Variants in TMPRSS11E observed in about 807,000 individuals in gnomAD.
TMPRSS11E encodes the protein transmembrane serine protease 11E, also known as transmembrane protease serine 11E.
TMPRSS11E carries 38 observed loss-of-function variants against 48.1 expected under a neutral mutation model. That is an observed-to-expected ratio of 0.79 (90% CI 0.61 to 1.04). The LOEUF (loss-of-function observed/expected upper bound fraction) is 1.04. TMPRSS11E is among the 50% of genes least tolerant of loss of function. The pLI is 0.00. For synonymous variants in TMPRSS11E, 158 were observed against 171.9 expected (o/e 0.92, Z 0.63); for missense variants, 530 against 510.8 (o/e 1.04, Z -0.36).
In TMPRSS11E at chr4:68,472,947, C is replaced by T. The variant is rs749029916; in HGVS notation, c.490+1324C>T. On this transcript the variant is annotated intron_variant, in intron 5 of 9. Transcript: ENST00000305363. ...TTTAATTGTTTATATCATGCAATGT[C>T]GATATAAATGCATATATAAGTACAT... 7.9e-5 allele frequency among the ~76,000 whole-genome samples: 12 copies of T among 151,810 alleles called. No individual in the cohort carries two copies. The South Asian group carries it at 8.3e-4, about 11-fold the overall frequency.
intron 9 of TMPRSS11E, among the ~76,000 whole-genome samples, chr4:68,482,615 A>G (rs1729439759): frequency 1.0e-5 from 1 of 98,310 alleles, no homozygotes; most frequent in Non-Finnish European, 2.4e-5. Flanking sequence ...AAAAAAAAAA[A>G]AAAAAAATTA....
intron 1 of TMPRSS11E, among the ~76,000 whole-genome samples, chr4:68,458,614 T>G (rs1337736197): frequency 6.6e-6 from 1 of 152,162 alleles, no homozygotes; most frequent in East Asian, 1.9e-4. Context: ...AATAAATTTA[T>G]TCCTTCACTT....
chr4:68,451,844 T>C (rs933339222), intron 1 of TMPRSS11E, among the ~76,000 whole-genome samples: 3 of 151,904 alleles, frequency 2.0e-5, no homozygotes, highest in Non-Finnish European at 4.4e-5. Flanking sequence ...GCAGAACTGA[T>C]GGTTAACCAG....
At chr4:68,451,550 C>G (rs914840367) in intron 1 of TMPRSS11E, among the ~76,000 whole-genome samples, 1 of 151,820 alleles carries the variant, frequency 6.6e-6, no homozygotes. Context: ...TATTTTGCAA[C>G]CTTTTATCTG....
intron 1 of TMPRSS11E, among the ~76,000 whole-genome samples, chr4:68,458,463 GT>G (rs1260154477): frequency 6.6e-6 from 1 of 152,110 alleles, no homozygotes; most frequent in Non-Finnish European, 1.5e-5. Flanking sequence ...TACTAAAGCT[GT>G]TAGAATTCAA....
chr4:68,463,810 G>T (rs1728857244), intron 2 of TMPRSS11E, among the ~76,000 whole-genome samples: 1 of 152,130 alleles, frequency 6.6e-6, no homozygotes, highest in Non-Finnish European at 1.5e-5. Flanking sequence ...AATACTGAAT[G>T]ATAATATCAA....
intron 9 of TMPRSS11E, among the ~76,000 whole-genome samples, chr4:68,493,507 C>T (rs1020279693): frequency 6.6e-6 from 1 of 152,102 alleles, no homozygotes; most frequent in African/African-American, 2.4e-5. Flanking sequence ...ATGCTTGTTA[C>T]CCAGGCTGGA....
chr4:68,452,755 T>A (rs1422206970), intron 1 of TMPRSS11E, among the ~76,000 whole-genome samples: 1 of 152,010 alleles, frequency 6.6e-6, no homozygotes, highest in East Asian at 1.9e-4. Context: ...ATGAACACTT[T>A]AAAAATATTT....
chr4:68,490,858 C>G (rs1341656871), intron 9 of TMPRSS11E, among the ~76,000 whole-genome samples: 1 of 141,692 alleles, frequency 7.1e-6, no homozygotes, highest in Non-Finnish European at 1.5e-5. Context: ...TCCTAGGTTC[C>G]AGCAATTCTC....
intron 3 of TMPRSS11E, among the ~76,000 whole-genome samples, chr4:68,467,684 G>A (rs890759802): frequency 6.6e-6 from 1 of 152,148 alleles, no homozygotes; most frequent in Non-Finnish European, 1.5e-5. Flanking sequence ...CCTGGAAACC[G>A]CCCAGTAGAC....
At chr4:68,449,897 G>A (rs952921347) in intron 1 of TMPRSS11E, among the ~76,000 whole-genome samples, 3 of 150,798 alleles carry the variant, frequency 2.0e-5, no homozygotes, top group Admixed American at 2.0e-4. Context: ...TATGCAACAT[G>A]GTGATGATTA....
rs1231838685 is a variant in TMPRSS11E at position 68,474,739 on chromosome 4, AACAG to A, written c.512_515del (p.Asp171AlafsTer3). 6 of 1,605,786 alleles carry A rather than the reference AACAG, an allele frequency of 3.7e-6. No homozygotes were observed. Among genetic ancestry groups the A allele is most frequent in the African/African-American group, 1.3e-5 (1 of 74,466 alleles). On this transcript the variant is annotated frameshift_variant, in exon 6 of 10. Coordinates refer to ENST00000305363, the MANE Select transcript of TMPRSS11E (RefSeq NM_014058.4). LOFTEE classifies it high-confidence loss of function. Reference sequence around the variant, plus strand: ...GTGTTTCAGAAATCAACAAGACAGAAACAGACAGCTATCTAAACCATTGTAAGTT... The same window carrying A: ...GTGTTTCAGAAATCAACAAGACAGAAACAGCTATCTAAACCATTGTAAGTT...
chr4:68,486,557 G>T (rs1320682543), intron 9 of TMPRSS11E, among the ~76,000 whole-genome samples: 1 of 152,148 alleles, frequency 6.6e-6, no homozygotes, highest in Non-Finnish European at 1.5e-5. Flanking sequence ...CCAAGTGCAT[G>T]GTTGATCTTA....
At chr4:68,472,780 GA>G (rs1169747533) in intron 5 of TMPRSS11E, among the ~76,000 whole-genome samples, 1 of 151,980 alleles carries the variant, frequency 6.6e-6, no homozygotes, top group Non-Finnish European at 1.5e-5. Flanking sequence ...CAAAAAGCAA[GA>G]AAAAAGTGCT....
intron 1 of TMPRSS11E, among the ~76,000 whole-genome samples, chr4:68,458,822 C>T (rs967737125): frequency 2.6e-5 from 4 of 152,066 alleles, no homozygotes; most frequent in Non-Finnish European, 2.9e-5. Flanking sequence ...AAGTGACAAA[C>T]ATCTTAGTAA....
chr4:68,457,302 C>T (rs1728660260), intron 1 of TMPRSS11E, among the ~76,000 whole-genome samples: 1 of 152,146 alleles, frequency 6.6e-6, no homozygotes, highest in African/African-American at 2.4e-5. Flanking sequence ...AAAAAAAGCT[C>T]ATCATCACTG....
chr4:68,475,554 C>A (rs1729189721), intron 6 of TMPRSS11E, among the ~76,000 whole-genome samples: 1 of 152,166 alleles, frequency 6.6e-6, no homozygotes, highest in Non-Finnish European at 1.5e-5. Flanking sequence ...CATGTGCTAG[C>A]ACTGTGTTAG....
intron 8 of TMPRSS11E, 131 bp downstream of exon 8, chr4:68,477,759 G>A: frequency 1.9e-5 from 22 of 1,160,638 alleles, no homozygotes; most frequent in Non-Finnish European, 2.7e-5. Context: ...GGCCCTAAAA[G>A]TGAAGTAAAT....
chr4:68,492,619 G>A (rs1033003561), intron 9 of TMPRSS11E, among the ~76,000 whole-genome samples: 12 of 152,216 alleles, frequency 7.9e-5, no homozygotes, highest in African/African-American at 1.4e-4. Flanking sequence ...AAGTTTTAGC[G>A]GTGTTTACTG....
Sources: gnomAD v4.1 joint callset for allele counts (sites outside exome capture counted in the v4.1 genomes callset) on GRCh38, gnomAD v4.1.1 for gene constraint, MANE v1.5 for transcripts, NCBI Gene and HGNC (gene_info 2026-07-23, HGNC 2026-07-21) for gene names.